Variants in NADK observed in about 807,000 individuals in gnomAD.
NADK encodes NAD kinase.
NADK carries 22 observed loss-of-function variants against 49.8 expected under a neutral mutation model. That is an observed-to-expected ratio of 0.44 (90% CI 0.32 to 0.63). NADK has a LOEUF of 0.63. NADK is among the 30% of genes least tolerant of loss of function. NADK has a pLI of 0.06. For missense variants in NADK, 438 were observed against 609.4 expected (o/e 0.72, Z 2.96); for synonymous variants, 268 against 253.7 (o/e 1.06, Z -0.54).
intron 1 of NADK, among the ~76,000 whole-genome samples, chr1:1,773,439 C>A (rs1369641028): frequency 1.3e-5 from 2 of 149,932 alleles, no homozygotes; most frequent in Non-Finnish European, 3.0e-5. Context: ...CCGCACCCAG[C>A]CAATTATTTC....
At chr1:1,761,240 C>A (rs1227834237) in intron 3 of NADK, among the ~76,000 whole-genome samples, 1 of 152,212 alleles carries the variant, frequency 6.6e-6, no homozygotes, top group Non-Finnish European at 1.5e-5. Flanking sequence ...ATCCGCCCCC[C>A]TTGGCCTCCC....
chr1:1,760,015 G>C, intron 3 of NADK: 2 of 1,126,894 alleles, frequency 1.8e-6, no homozygotes, highest in Non-Finnish European at 2.6e-6. Context: ...GCGGGGCCGG[G>C]AGGGCAGTGG....
Position 1,758,822 on chromosome 1 carries a change from G to A in NADK, c.264-1512C>T, listed in dbSNP as rs566471042. On this transcript the variant is annotated intron_variant, in intron 3 of 11. Coordinates refer to ENST00000341426, the MANE Select transcript of NADK (RefSeq NM_023018.5). ...GGGTGGGACCAAGCCCTCTGTTCCC[G>A]TGGCCTCAGACCTGGCCAAGTACCC... Among the ~76,000 whole-genome samples the A allele has an allele frequency of 4.6e-5, 7 of 152,288 alleles. No individual in the cohort carries two copies. In the South Asian group the frequency reaches 1.2e-3, roughly 27 times the overall value.
chr1:1,762,812 C>A (rs72634843), intron 2 of NADK, among the ~76,000 whole-genome samples: 3 of 152,150 alleles, frequency 2.0e-5, no homozygotes, highest in Admixed American at 2.0e-4. Flanking sequence ...GCCAGATGAA[C>A]GGCTCAACAA....
chr1:1,760,184 G>A (rs1324466023), intron 3 of NADK, among the ~76,000 whole-genome samples: 1 of 152,190 alleles, frequency 6.6e-6, no homozygotes, highest in Non-Finnish European at 1.5e-5. Flanking sequence ...AGATGGACTG[G>A]ATGAGGGAAA....
chr1:1,754,035 T>C lies in NADK; in HGVS notation c.1101+16A>G. The C allele has an allele frequency of 6.4e-7, 1 of 1,552,986 alleles. No individual in the cohort carries two copies. The highest frequency in any genetic ancestry group is 8.7e-7 in the Non-Finnish European group (1 of 1,150,000). Reference sequence around the variant, plus strand: ...AATGACTCACAAACCGGAAAAGGAGTGTCGTTGGCTCTGACCTTCAGCTCG... The same window carrying C: ...AATGACTCACAAACCGGAAAAGGAGCGTCGTTGGCTCTGACCTTCAGCTCG... On this transcript the variant is annotated intron_variant, in intron 10 of 11. Transcript: ENST00000341426. This position sits in a 1 kb window ranked among gnomAD's most constrained non-coding sequence, Gnocchi z 4.3.
intron 1 of NADK, among the ~76,000 whole-genome samples, chr1:1,775,798 C>T (rs1194220346): frequency 6.6e-6 from 1 of 152,186 alleles, no homozygotes; most frequent in African/African-American, 2.4e-5. Flanking sequence ...ATTCACTTCC[C>T]CATTCCCATG....
intron 3 of NADK, chr1:1,759,765 G>A: frequency 6.4e-7 from 1 of 1,556,416 alleles, no homozygotes; most frequent in Non-Finnish European, 8.7e-7. Context: ...CTGGCCTCGG[G>A]CAGCTCGGGG....
At chr1:1,768,635 C>A (rs773021534) in intron 1 of NADK, among the ~76,000 whole-genome samples, 1 of 152,180 alleles carries the variant, frequency 6.6e-6, no homozygotes, top group Non-Finnish European at 1.5e-5. Flanking sequence ...CATGTGGGGA[C>A]ACAGAGAAGA....
At chr1:1,759,678 T>C in intron 3 of NADK, 2 of 1,519,616 alleles carry the variant, frequency 1.3e-6, no homozygotes, top group South Asian at 1.2e-5. Context: ...GGGGGCGTGC[T>C]CCCATGGGGG....
chr1:1,768,535 A>T (rs1216956013), intron 1 of NADK, among the ~76,000 whole-genome samples: 2 of 152,226 alleles, frequency 1.3e-5, no homozygotes, highest in East Asian at 3.8e-4. Flanking sequence ...CAGCCTAGGC[A>T]ATAGAGACCC....
At chr1:1,759,634 G>T in intron 3 of NADK, 1 of 1,307,298 alleles carries the variant, frequency 7.6e-7, no homozygotes, top group Non-Finnish European at 1.0e-6. Context: ...GATGGGAAGC[G>T]GGAGGTTATG....
At chr1:1,753,723 C>G in intron 10 of NADK, 74 bp from the exon 11 acceptor site, 1 of 1,350,070 alleles carries the variant, frequency 7.4e-7, no homozygotes, top group Non-Finnish European at 1.0e-6. Context: ...CCCCTGAGTG[C>G]TCGCCAGAGG....
In NADK at chr1:1,753,079, A is replaced by C. The variant is rs1294028351; in HGVS notation, c.1185-19T>G. ...GCTGATGCTGGGACGGGAGAGCAGC[A>C]GCCTGAGCCAGGGCTTCCAGAAAGG... On this transcript the variant is annotated intron_variant, in intron 11 of 11. Transcript: ENST00000341426. The C allele has an allele frequency of 1.3e-6, 2 of 1,596,966 alleles. No homozygotes were observed. The highest frequency in any genetic ancestry group is 4.5e-5 in the East Asian group (2 of 44,418).
rs75876419 is a variant in NADK at position 1,775,683 on chromosome 1, T to C, written c.-41+2606A>G. ...GGAAGGCCAGGCATCACCTCCCTCT[T>C]CAGTTGCACAAAGTGTGCGTGGCAT... On this transcript the variant is annotated intron_variant, in intron 1 of 11. Transcript: ENST00000341426. Among the ~76,000 whole-genome samples the C allele has an allele frequency of 1.0e-3, 156 of 152,310 alleles. 1 individual carries two copies. Among genetic ancestry groups the C allele is most frequent in the African/African-American group, 3.6e-3 (150 of 41,562 alleles).
At position 1,753,421 on chromosome 1, in the gene NADK, C is replaced by T. The variant is rs567202412; in HGVS notation, c.1184+146G>A. 7.4e-6 allele frequency: 5 copies of T among 672,426 alleles called. No homozygotes were observed. The East Asian group carries it at 1.1e-4, about 15-fold the overall frequency. The allele number at this position is 672,426 out of a possible 1,614,324, so 41.7% of individuals were successfully genotyped here. A position where few individuals can be genotyped will look rare whatever the true frequency, so the allele number is the denominator to read the frequency against. ...GCTGCCCCCAGGACGGGTGCCCCGA[C>T]TGTGATGCTGCAAGACCCAGGGACT... is the stretch of plus-strand genomic sequence containing the variant. On this transcript the variant is annotated intron_variant, in intron 11 of 11. Coordinates refer to ENST00000341426, the MANE Select transcript of NADK (RefSeq NM_023018.5).
upstream of NADK, chr1:1,780,060 TG>T (rs1199081002): frequency 6.6e-6 from 1 of 152,172 alleles, no homozygotes; most frequent in Non-Finnish European, 1.5e-5. Flanking sequence ...CATGAGAACT[TG>T]GGGGATTTCT....
At chr1:1,773,727 TGTGAGA>T (rs1478910734) in intron 1 of NADK, among the ~76,000 whole-genome samples, 1 of 130,770 alleles carries the variant, frequency 7.6e-6, no homozygotes, top group African/African-American at 3.1e-5. Context: ...TGTGTGTGTG[TGTGAGA>T]GAGAGAGAGA....
chr1:1,769,161 T>G (rs1242995927), intron 1 of NADK, among the ~76,000 whole-genome samples: 1 of 152,190 alleles, frequency 6.6e-6, no homozygotes, highest in Non-Finnish European at 1.5e-5. Context: ...CTCACGCCTG[T>G]AATCCCAGTG....
Sources: gnomAD v4.1 joint callset for allele counts (sites outside exome capture counted in the v4.1 genomes callset) on GRCh38, gnomAD v4.1.1 for gene constraint, Gnocchi (gnomAD v3.1) non-coding constraint, MANE v1.5 for transcripts, NCBI Gene and HGNC (gene_info 2026-07-23, HGNC 2026-07-21) for gene names.